Variants in TMEM253 observed in about 807,000 individuals in gnomAD.
TMEM253 encodes transmembrane protein C14orf176.
In TMEM253, 22 loss-of-function variants were observed where a neutral mutation model predicts 20.3. That is an observed-to-expected ratio of 1.08 (90% confidence interval 0.78 to 1.55). The LOEUF (loss-of-function observed/expected upper bound fraction) is 1.55, where lower values mean the gene tolerates loss of function less well. Ranked by LOEUF, TMEM253 falls within the 40% of genes most tolerant of loss-of-function variation. The pLI is 0.00. For missense variants in TMEM253, 251 were observed against 266.1 expected (o/e 0.94, Z 0.39); for synonymous variants, 92 against 102.6 (o/e 0.90, Z 0.62).
At chr14:21,098,862 G>A (rs756355848), upstream of TMEM253, 3 of 1,285,780 alleles carry the variant, frequency 2.3e-6, no homozygotes, top group South Asian at 2.5e-5. Flanking sequence ...GCACAGACTC[G>A]GGAAGTTCTT....
Position 21,101,250 on chromosome 14 carries a change from A to C in TMEM253, c.-36-58A>C, listed in dbSNP as rs1889606345. 9.4e-6 allele frequency: 11 copies of C among 1,165,396 alleles called. No homozygotes were observed. In the South Asian group the frequency reaches 1.3e-4, roughly 13 times the overall value. 72.2% of individuals were successfully genotyped at this position (1,165,396 alleles called of 1,614,324 possible). On this transcript the variant is annotated intron_variant, in intron 1 of 6. Transcript: ENST00000556585. ...GAGTGGGCAGAGGTGTAGCTGAAAGATACGTTGTTGCATGTCCTGTCTCCT... is the reference window on the plus strand; with the variant it reads ...GAGTGGGCAGAGGTGTAGCTGAAAGCTACGTTGTTGCATGTCCTGTCTCCT...
At position 21,103,028 on chromosome 14, in the gene TMEM253, A is replaced by C. The variant is rs1228098787; in HGVS notation, c.535-111A>C. The C allele has an allele frequency of 2.6e-6, 4 of 1,518,454 alleles. No homozygotes were observed. In the African/African-American group the frequency reaches 5.5e-5, roughly 21 times the overall value. 94.1% of individuals were successfully genotyped at this position (1,518,454 alleles called of 1,614,324 possible). On this transcript the variant is annotated intron_variant, in intron 6 of 6. Transcript: ENST00000556585. ...ATTAGGAAGCTGCCTAAATATTGGC[A>C]GGACTATGGGAAACAGGATAGAAAA...
At position 21,102,093 on chromosome 14, in the gene TMEM253, G is replaced by A. The variant is rs773894082; in HGVS notation, c.249G>A (p.Glu83=). The change falls in exon 4 of 7, where the codon GAG becomes GAA. Residue 83 remains glutamate (E), a synonymous_variant. Transcript: ENST00000556585. ...TCCTCACTGGGACTGTCACTCTGGA[G>A]CTTCGCAGAGCACCCCGCCTTTGGA... The A allele has an allele frequency of 2.1e-5, 33 of 1,551,012 alleles. No individual in the cohort carries two copies. In the Admixed American group the frequency reaches 3.7e-4, roughly 18 times the overall value.
exon 6 of TMEM253, chr14:21,102,717 C>G: frequency 6.4e-7 from 1 of 1,551,478 alleles, no homozygotes; most frequent in African/African-American, 1.4e-5. Flanking sequence ...CCTATTCTTG[C>G]TGAGCCAGAG....
exon 5 of TMEM253, chr14:21,102,486 T>C: frequency 6.4e-7 from 1 of 1,551,714 alleles, no homozygotes; most frequent in South Asian, 1.2e-5. Flanking sequence ...GAAGACAGCC[T>C]TGGGGCCTGC....
At chr14:21,101,259 T>G (rs1889608412) in intron 1 of TMEM253, 49 bp from the exon 2 acceptor site, 13 of 1,263,346 alleles carry the variant, frequency 1.0e-5, no homozygotes, top group Non-Finnish European at 1.5e-5. Context: ...GATACGTTGT[T>G]GCATGTCCTG....
intron 4 of TMEM253, 133 bp downstream of exon 4, chr14:21,102,253 G>A (rs1889688331): frequency 3.6e-6 from 5 of 1,402,720 alleles, no homozygotes; most frequent in Admixed American, 4.5e-5. Flanking sequence ...CTCAATCACT[G>A]AGGAGGAAAG....
intron 4 of TMEM253, 134 bp from the exon 5 acceptor site, chr14:21,102,271 G>A (rs547733732): frequency 4.5e-5 from 63 of 1,405,330 alleles, no homozygotes; most frequent in Middle Eastern, 1.8e-4. Flanking sequence ...AAGCAAAAAA[G>A]TTAAGAGGGC....
upstream of TMEM253, among the ~76,000 whole-genome samples, chr14:21,100,790 T>C (rs773739232): frequency 6.6e-6 from 1 of 151,870 alleles, no homozygotes; most frequent in Non-Finnish European, 1.5e-5. Flanking sequence ...GTAGGATCTC[T>C]AGGGAAGGGC....
chr14:21,103,332 T>A, exon 7 of TMEM253: 3 of 1,495,912 alleles, frequency 2.0e-6, no homozygotes, highest in Non-Finnish European at 1.8e-6. Context: ...TCGAGTCCAA[T>A]AGGAAGTCCG....
exon 5 of TMEM253, chr14:21,102,464 G>A (rs966410483): frequency 2.6e-6 from 4 of 1,551,724 alleles, no homozygotes; most frequent in South Asian, 1.2e-5. Context: ...TAGTGGTGGT[G>A]GTCGAGGTGA....
upstream of TMEM253, among the ~76,000 whole-genome samples, chr14:21,099,868 G>T (rs1445207664): frequency 6.6e-6 from 1 of 152,122 alleles, no homozygotes; most frequent in African/African-American, 2.4e-5. Context: ...GGCCCAGCTG[G>T]TTCTGCTTCC....
chr14:21,101,502 A>C, intron 2 of TMEM253, 51 bp downstream of exon 2: 2 of 1,469,910 alleles, frequency 1.4e-6, no homozygotes, highest in Non-Finnish European at 1.9e-6. Flanking sequence ...CTTCTACCCA[A>C]TTCAATTCCA....
rs1889643698 is a variant in TMEM253, at chr14:21,101,717, T to G, written c.109-148T>G. Reference sequence around the variant, plus strand: ...GCAGAAAAAATTAAATGATACTTAATTTTTAATGATCACGTCCTTGCTCTG... The same window carrying G: ...GCAGAAAAAATTAAATGATACTTAAGTTTTAATGATCACGTCCTTGCTCTG... On this transcript the variant is annotated intron_variant, in intron 2 of 6. Coordinates refer to ENST00000556585, the Ensembl canonical transcript of TMEM253. 1.4e-5 allele frequency: 10 copies of G among 692,064 alleles called. No homozygotes were observed. The South Asian group carries it at 1.7e-4, about 12-fold the overall frequency. The allele number at this position is 692,064 out of a possible 1,614,324, so 42.9% of individuals were successfully genotyped here. A position where few individuals can be genotyped will look rare whatever the true frequency, so the allele number is the denominator to read the frequency against.
exon 7 of TMEM253, chr14:21,103,217 G>C (rs761781290): frequency 1.9e-6 from 3 of 1,551,504 alleles, no homozygotes; most frequent in African/African-American, 2.7e-5. Context: ...TGAGAGGGTG[G>C]GACAGCGGGA....
exon 7 of TMEM253, chr14:21,103,459 C>T: frequency 2.5e-6 from 2 of 816,182 alleles, no homozygotes; most frequent in South Asian, 1.9e-5. Flanking sequence ...GCTGCTTTCT[C>T]CCTTGCATCC....
chr14:21,103,223 C>G, exon 7 of TMEM253: 1 of 1,551,618 alleles, frequency 6.4e-7, no homozygotes, highest in African/African-American at 1.4e-5. Flanking sequence ...GGTGGGACAG[C>G]GGGAACAGAC....
upstream of TMEM253, among the ~76,000 whole-genome samples, chr14:21,100,369 T>TATAATAATAATA (rs3061999): frequency 1.6e-3 from 244 of 149,418 alleles, 1 homozygote; most frequent in Middle Eastern, 0.011. Flanking sequence ...GTCTCAATAA[T>TATAATAATAATA]ATAATAATAA....
upstream of TMEM253, chr14:21,098,929 G>C (rs745460237): frequency 6.4e-4 from 724 of 1,122,894 alleles, 1 homozygote; most frequent in Non-Finnish European, 8.1e-4. Flanking sequence ...TTTTGGGGGA[G>C]GAGGAGGGGC....
Sources: gnomAD v4.1 joint callset for allele counts (sites outside exome capture counted in the v4.1 genomes callset) on GRCh38, gnomAD v4.1.1 for gene constraint, MANE v1.5 for transcripts, NCBI Gene and HGNC (gene_info 2026-07-23, HGNC 2026-07-21) for gene names.